Variants in RBPJ observed in about 807,000 individuals in gnomAD.
RBPJ encodes the protein recombination signal binding protein for immunoglobulin kappa J region.
Under a neutral mutation model 67.8 loss-of-function variants are expected in RBPJ, and 9 were observed. The observed-to-expected ratio is 0.13, with a 90% CI of 0.08 to 0.23. The LOEUF (loss-of-function observed/expected upper bound fraction) is 0.23. Among genes scored for constraint, RBPJ ranks in the 10% least tolerant of loss-of-function variants. The pLI is 1.00. For missense variants in RBPJ, 305 were observed against 595.6 expected, an observed-to-expected ratio of 0.51 and a Z score of 5.08; for synonymous variants, 198 against 203.3, an observed-to-expected ratio of 0.97 and a Z score of 0.22.
chr4:26,401,333 G>C (rs947625192), intron 2 of RBPJ, among the ~76,000 whole-genome samples: 4 of 152,184 alleles, frequency 2.6e-5, no homozygotes, highest in Non-Finnish European at 5.9e-5. Context: ...TCACAAGCTA[G>C]GCTACGCAGA....
intron 1 of RBPJ, among the ~76,000 whole-genome samples, chr4:26,229,427 G>T (rs1192770559): frequency 6.6e-6 from 1 of 152,090 alleles, no homozygotes; most frequent in Non-Finnish European, 1.5e-5. Flanking sequence ...CCTCCTGTTG[G>T]TGGCCCCACA....
At chr4:26,109,448 C>A in the RBPJ span, among the ~76,000 whole-genome samples, 12 of 26,320 alleles carry the variant, frequency 4.6e-4, no homozygotes, top group African/African-American at 1.0e-3. Flanking sequence ...CTCTCTCTCT[C>A]TCTCTCTCTC....
At chr4:26,234,743 A>C (rs1296417801) in intron 1 of RBPJ, among the ~76,000 whole-genome samples, 1 of 151,886 alleles carries the variant, frequency 6.6e-6, no homozygotes, top group Non-Finnish European at 1.5e-5. Context: ...CCCAGGCTGG[A>C]GTGCAGTGGT....
chr4:26,377,612 G>GT (rs1395794664), intron 1 of RBPJ, among the ~76,000 whole-genome samples: 1 of 152,154 alleles, frequency 6.6e-6, no homozygotes, highest in African/African-American at 2.4e-5. Flanking sequence ...AAGTTTCATT[G>GT]TATTTCTCTT....
intron 1 of RBPJ, among the ~76,000 whole-genome samples, chr4:26,346,978 C>T (rs568789914): frequency 4.0e-5 from 6 of 150,892 alleles, no homozygotes; most frequent in Non-Finnish European, 5.9e-5. Context: ...GGTGACAGAG[C>T]GAGACTCCAT....
chr4:26,286,015 T>G (rs1344901116), intron 1 of RBPJ, among the ~76,000 whole-genome samples: 1 of 83,608 alleles, frequency 1.2e-5, no homozygotes, highest in Non-Finnish European at 2.9e-5. Context: ...CTCAGTACAC[T>G]TGCTTGAGCC....
At position 26,222,996 on chromosome 4, in the gene RBPJ, A is replaced by G. The variant is rs185127541; in HGVS notation, c.-167+59382A>G. Among the ~76,000 whole-genome samples the G allele has an allele frequency of 4.5e-3, 684 of 152,042 alleles. 7 individuals carry two copies. Among genetic ancestry groups the G allele is most frequent in the African/African-American group, 0.016 (663 of 41,462 alleles). ...TAGTGAAACCCCGTCTCTACTAAAA[A>G]TACAAAAAATTAGCTGGGTGTGGTG... is the stretch of plus-strand genomic sequence containing the variant. On this transcript the variant is annotated intron_variant, in intron 1 of 4. Coordinates refer to the RBPJ transcript ENST00000512351.
At position 26,430,631 on chromosome 4, in the gene RBPJ, C is replaced by T; in HGVS notation, c.1149-61C>T. On this transcript the variant is annotated intron_variant, in intron 10 of 10. Coordinates refer to ENST00000355476, the MANE Select transcript of RBPJ (RefSeq NM_015874.6). The surrounding 1 kb of genome is among the most constrained non-coding windows in gnomAD (Gnocchi z 4.1). ...TATTAAACAACCTTGTGTTAAGTCT[C>T]ATTTTTAACATGTACTTTGCTTTTT... The T allele has an allele frequency of 6.4e-7, 1 of 1,569,440 alleles. No individual in the cohort carries two copies. The highest frequency in any genetic ancestry group is 8.7e-7 in the Non-Finnish European group (1 of 1,148,294).
upstream of RBPJ, among the ~76,000 whole-genome samples, chr4:26,160,464 T>C (rs1389215836): frequency 1.3e-5 from 2 of 152,232 alleles, no homozygotes; most frequent in Non-Finnish European, 2.9e-5. Context: ...CCCACAAAAC[T>C]CTTTTTTTAT....
chr4:26,202,402 T>C (rs575334360), intron 1 of RBPJ, among the ~76,000 whole-genome samples: 1 of 151,812 alleles, frequency 6.6e-6, no homozygotes, highest in Admixed American at 6.6e-5. Context: ...ACATGTCCAA[T>C]AGACAACTCA....
chr4:26,215,384 AGG>A (rs1411239357), intron 1 of RBPJ, among the ~76,000 whole-genome samples: 495 of 45,824 alleles, frequency 0.011, 11 homozygotes, highest in Non-Finnish European at 0.012. Flanking sequence ...GAAGGGAGGG[AGG>A]GAGAGAGGAA....
At chr4:26,189,145 A>T (rs916777811) in intron 1 of RBPJ, among the ~76,000 whole-genome samples, 1 of 152,208 alleles carries the variant, frequency 6.6e-6, no homozygotes, top group Non-Finnish European at 1.5e-5. Context: ...TGAGGCCAGG[A>T]GTTTGAGGCT....
At chr4:26,130,711 T>C in the RBPJ span, among the ~76,000 whole-genome samples, 1 of 152,214 alleles carries the variant, frequency 6.6e-6, no homozygotes, top group East Asian at 1.9e-4. Flanking sequence ...TGTGCACTCC[T>C]TTACCACCGT....
At chr4:26,387,442 G>T (rs569818253) in intron 2 of RBPJ, among the ~76,000 whole-genome samples, 3 of 152,070 alleles carry the variant, frequency 2.0e-5, no homozygotes, top group Non-Finnish European at 4.4e-5. Context: ...ATTAATAAAT[G>T]GGGCAAAGAG....
chr4:26,427,719 C>T (rs1230391867), intron 7 of RBPJ, among the ~76,000 whole-genome samples: 1 of 152,120 alleles, frequency 6.6e-6, no homozygotes, highest in Non-Finnish European at 1.5e-5. Flanking sequence ...GGAGATTGGA[C>T]AGTGAGGAAG....
At chr4:26,146,756 A>G in the RBPJ span, among the ~76,000 whole-genome samples, 1 of 152,270 alleles carries the variant, frequency 6.6e-6, no homozygotes. Flanking sequence ...CTACTGTGAT[A>G]TGTTGACCAT....
the RBPJ span, among the ~76,000 whole-genome samples, chr4:26,154,106 A>G: frequency 1.3e-5 from 2 of 152,126 alleles, no homozygotes; most frequent in Non-Finnish European, 2.9e-5. Context: ...AGTTTCTGCC[A>G]TCTCTCCTTT....
At chr4:26,156,064 G>A in the RBPJ span, among the ~76,000 whole-genome samples, 3 of 152,160 alleles carry the variant, frequency 2.0e-5, no homozygotes, top group Non-Finnish European at 4.4e-5. Flanking sequence ...CTTGTTAATG[G>A]AGGCAGGAAG....
intron 1 of RBPJ, among the ~76,000 whole-genome samples, chr4:26,237,076 G>T (rs774557089): frequency 4.6e-5 from 7 of 152,154 alleles, no homozygotes; most frequent in African/African-American, 1.7e-4. Flanking sequence ...TGAAGCAAAT[G>T]ACATCTGGGT....
Sources: gnomAD v4.1 joint callset for allele counts (sites outside exome capture counted in the v4.1 genomes callset) on GRCh38, gnomAD v4.1.1 for gene constraint, Gnocchi (gnomAD v3.1) non-coding constraint, MANE v1.5 for transcripts, NCBI Gene and HGNC (gene_info 2026-07-23, HGNC 2026-07-21) for gene names.